The following CREB5 variants were observed in gnomAD, a reference collection of about 807,000 sequenced individuals.
CREB5 encodes cyclic AMP-responsive element-binding protein 5.
In CREB5, 19 loss-of-function variants were observed where a neutral mutation model predicts 57.1. That is an observed-to-expected ratio of 0.33 (90% CI 0.23 to 0.49). CREB5 has a LOEUF of 0.49. Among genes scored for constraint, CREB5 ranks in the 20% least tolerant of loss-of-function variants. The pLI is 0.99. For synonymous variants in CREB5, 238 were observed against 238.3 expected (o/e 1.00, Z 0.01); for missense variants, 579 against 671.6 (o/e 0.86, Z 1.52).
chr7:28,367,469 C>A (rs1786610076), intron 1 of CREB5, among the ~76,000 whole-genome samples: 1 of 152,184 alleles, frequency 6.6e-6, no homozygotes, highest in African/African-American at 2.4e-5. Context: ...TTCTTGATTT[C>A]TCTTTTTCAT....
chr7:28,746,250 T>G (rs900864004), intron 7 of CREB5, among the ~76,000 whole-genome samples: 1 of 152,140 alleles, frequency 6.6e-6, no homozygotes, highest in African/African-American at 2.4e-5. Flanking sequence ...GAAATTTTGG[T>G]TATAAGGTCA....
chr7:28,609,511 G>A (rs1449970389), intron 5 of CREB5, among the ~76,000 whole-genome samples: 1 of 152,170 alleles, frequency 6.6e-6, no homozygotes, highest in East Asian at 1.9e-4. Flanking sequence ...TTTTAAAATA[G>A]AACAATCCTC....
chr7:28,494,775 GTTT>G (rs77196704), intron 2 of CREB5, 128 bp from the exon 3 acceptor site: 19 of 489,268 alleles, frequency 3.9e-5, no homozygotes, highest in Non-Finnish European at 4.5e-5. Flanking sequence ...TTTTCGAAAT[GTTT>G]TTTTTTTTTT....
chr7:28,412,731 G>A lies in CREB5; in HGVS notation c.-184G>A. 1 of 446,648 alleles carries A rather than the reference G, an allele frequency of 2.2e-6. No homozygotes were observed. The highest frequency in any genetic ancestry group is 4.1e-5 in the Admixed American group (1 of 24,216). 27.7% of individuals were successfully genotyped at this position (446,648 alleles called of 1,614,324 possible). A position where few individuals can be genotyped will look rare whatever the true frequency, so the allele number is the denominator to read the frequency against. On this transcript the variant is annotated 5_prime_UTR_variant, in exon 1 of 11. Transcript: ENST00000357727. ...TTGCAGAAGTAATTGTAAAATACCA[G>A]ACCTGTTCTTTTTACTAAAAGCTAG...
At chr7:28,507,105 T>C (rs976162332) in intron 3 of CREB5, among the ~76,000 whole-genome samples, 2 of 152,256 alleles carry the variant, frequency 1.3e-5, no homozygotes, top group Non-Finnish European at 1.5e-5. Context: ...AATTGTTAAG[T>C]TTTCTTTCTC....
chr7:28,409,190 GCGGGGCGGGGTCGGGGCGGGAC>G (rs2128001247), upstream of CREB5: 1 of 151,498 alleles, frequency 6.6e-6, no homozygotes, highest in African/African-American at 2.4e-5. This position sits in a 1 kb window ranked among gnomAD's most constrained non-coding sequence, Gnocchi z 4.4. Context: ...GTCCGCGCGG[GCGGGGCGGGGTCGGGGCGGGAC>G]CGGGGCGGGG....
chr7:28,455,755 A>T (rs1382921261), intron 1 of CREB5, among the ~76,000 whole-genome samples: 1 of 152,190 alleles, frequency 6.6e-6, no homozygotes, highest in Non-Finnish European at 1.5e-5. Flanking sequence ...CCCAGGGGAC[A>T]GTGTAAAGGA....
chr7:28,641,046 C>G (rs1188973430), intron 5 of CREB5, among the ~76,000 whole-genome samples: 1 of 152,102 alleles, frequency 6.6e-6, no homozygotes, highest in African/African-American at 2.4e-5. Flanking sequence ...ACGACATCAC[C>G]CACAATGACC....
At chr7:28,678,805 C>G (rs772870906) in intron 5 of CREB5, among the ~76,000 whole-genome samples, 26 of 152,194 alleles carry the variant, frequency 1.7e-4, no homozygotes, top group Non-Finnish European at 3.7e-4. Flanking sequence ...AAAAATTCTT[C>G]TCATCCCCTC....
chr7:28,312,339 C>T lies in CREB5; in HGVS notation c.-25+12898C>T, dbSNP rs529651148. Among the ~76,000 whole-genome samples the T allele has an allele frequency of 6.6e-5, 10 of 152,144 alleles. No homozygotes were observed. In the South Asian group the frequency reaches 1.5e-3, roughly 22 times the overall value. On this transcript the variant is annotated intron_variant, in intron 1 of 9. Coordinates refer to the CREB5 transcript ENST00000396299. ...AGGGCAGCCAATGAAAGCATATTTG[C>T]GAGAGAATGAAATACCCATGATACC...
chr7:28,391,275 G>A (rs1009961450), intron 1 of CREB5, among the ~76,000 whole-genome samples: 2 of 152,092 alleles, frequency 1.3e-5, no homozygotes, highest in Non-Finnish European at 2.9e-5. Flanking sequence ...AACGGGTGGC[G>A]TGCTGATCAA....
intron 1 of CREB5, among the ~76,000 whole-genome samples, chr7:28,484,013 C>T (rs1350316697): frequency 6.6e-6 from 1 of 152,178 alleles, no homozygotes; most frequent in Non-Finnish European, 1.5e-5. Context: ...GATTCAGGAT[C>T]ATTATCCATT....
At chr7:28,355,634 ACCACTT>A (rs1380284422) in intron 1 of CREB5, among the ~76,000 whole-genome samples, 7 of 152,288 alleles carry the variant, frequency 4.6e-5, no homozygotes, top group Non-Finnish European at 1.0e-4. Flanking sequence ...TCCCCCTGCC[ACCACTT>A]AAATGGTATT....
At chr7:28,786,502 C>T (rs909487330) in intron 7 of CREB5, among the ~76,000 whole-genome samples, 12 of 152,194 alleles carry the variant, frequency 7.9e-5, no homozygotes, top group African/African-American at 2.9e-4. Flanking sequence ...CCCACCTCAG[C>T]CTCTCAAAGT....
chr7:28,496,995 A>G (rs217494), intron 3 of CREB5, among the ~76,000 whole-genome samples: 110,782 of 152,140 alleles, frequency 0.73, 40,899 homozygotes, highest in African/African-American at 0.81. Flanking sequence ...ATCAGTGAGC[A>G]TAGATACACA....
intron 1 of CREB5, among the ~76,000 whole-genome samples, chr7:28,347,996 T>G (rs1303557532): frequency 6.6e-6 from 1 of 152,084 alleles, no homozygotes; most frequent in African/African-American, 2.4e-5. Flanking sequence ...CTGGAACCGG[T>G]GCCCTGGCCA....
intron 5 of CREB5, chr7:28,615,558 T>G (rs887223942): frequency 6.6e-6 from 1 of 152,346 alleles, no homozygotes; most frequent in African/African-American, 2.4e-5. Flanking sequence ...CTATGCAGTC[T>G]CTGAGTGTAA....
chr7:28,609,718 G>A (rs774413922), intron 5 of CREB5, among the ~76,000 whole-genome samples: 29 of 152,330 alleles, frequency 1.9e-4, no homozygotes, highest in Non-Finnish European at 3.7e-4. Context: ...CTCTTGCAGG[G>A]AAGAGTGGAT....
At chr7:28,678,586 G>A (rs1448646091) in intron 5 of CREB5, among the ~76,000 whole-genome samples, 2 of 152,094 alleles carry the variant, frequency 1.3e-5, no homozygotes, top group Non-Finnish European at 2.9e-5. Flanking sequence ...CAGGATTCTG[G>A]TGTAAATAGA....
Sources: allele counts gnomAD v4.1 joint callset (sites outside exome capture counted in the v4.1 genomes callset), GRCh38; gene constraint gnomAD v4.1.1; non-coding constraint Gnocchi (gnomAD v3.1); transcripts MANE v1.5; gene names NCBI Gene and HGNC (gene_info 2026-07-23, HGNC 2026-07-21).